The following SLC17A5 variants were observed in gnomAD, a reference collection of about 807,000 sequenced individuals.
SLC17A5 encodes the protein solute carrier family 17 member 5.
SLC17A5 carries 47 observed loss-of-function variants against 59.4 expected under a neutral mutation model. That is an observed-to-expected ratio of 0.79 (90% CI 0.63 to 1.01). The LOEUF is 1.01. Among genes scored for constraint, SLC17A5 ranks in the 50% least tolerant of loss-of-function variants. SLC17A5 has a pLI of 0.00. For synonymous variants in SLC17A5, 202 were observed against 210.7 expected, an observed-to-expected ratio of 0.96 and a Z score of 0.36; for missense variants, 522 against 595.5, an observed-to-expected ratio of 0.88 and a Z score of 1.28.
At chr6:73,645,722 A>G (rs1769512588) in intron 1 of SLC17A5, among the ~76,000 whole-genome samples, 1 of 144,858 alleles carries the variant, frequency 6.9e-6, no homozygotes. Context: ...CGGGAGGCGG[A>G]GCTTGCAGCG....
At chr6:73,597,033 C>T (rs1484310112) in intron 10 of SLC17A5, among the ~76,000 whole-genome samples, 3 of 145,816 alleles carry the variant, frequency 2.1e-5, no homozygotes, top group Admixed American at 1.4e-4. Flanking sequence ...TGGTGGCAGG[C>T]TCCTGTAATC....
intron 9 of SLC17A5, among the ~76,000 whole-genome samples, chr6:73,602,704 G>C (rs948538140): frequency 1.3e-5 from 2 of 151,456 alleles, no homozygotes; most frequent in African/African-American, 2.4e-5. Flanking sequence ...GAACCTGGGA[G>C]GCGGAGCTTG....
At chr6:73,601,965 G>C (rs1335438373) in intron 9 of SLC17A5, among the ~76,000 whole-genome samples, 1 of 152,068 alleles carries the variant, frequency 6.6e-6, no homozygotes, top group Non-Finnish European at 1.5e-5. Context: ...AGAACGGGCT[G>C]GGATGACAAT....
At chr6:73,614,082 G>A (rs985244255) in intron 8 of SLC17A5, among the ~76,000 whole-genome samples, 4 of 152,170 alleles carry the variant, frequency 2.6e-5, no homozygotes, top group East Asian at 1.9e-4. Context: ...CCTGGACAAC[G>A]TGGTGAAACC....
At chr6:73,628,154 A>C (rs1768526412) in intron 6 of SLC17A5, among the ~76,000 whole-genome samples, 3 of 152,102 alleles carry the variant, frequency 2.0e-5, no homozygotes, top group African/African-American at 7.2e-5. Context: ...CCTGGGTTCA[A>C]GTGATCCTTC....
At chr6:73,602,639 A>G (rs1017175222) in intron 9 of SLC17A5, among the ~76,000 whole-genome samples, 5 of 151,962 alleles carry the variant, frequency 3.3e-5, no homozygotes, top group Admixed American at 2.6e-4. Flanking sequence ...GCCGGCCGTG[A>G]TGGCAGGCGC....
rs957217105 is a variant in SLC17A5 at position 73,653,743 on chromosome 6, C to G, written c.94+50G>C. 2.0e-6 allele frequency: 3 copies of G among 1,492,978 alleles called. No individual in the cohort carries two copies. In the African/African-American group the frequency reaches 4.2e-5, roughly 21 times the overall value. The allele number at this position is 1,492,978 out of a possible 1,614,324, so 92.5% of individuals were successfully genotyped here. A position where few individuals can be genotyped will look rare whatever the true frequency, so the allele number is the denominator to read the frequency against. ...GGCCATGCCGGCCCAGAGACCGCCG[C>G]CCCCGGTACCGCTGCCCACTCGAAG... is the stretch of plus-strand genomic sequence containing the variant. On this transcript the variant is annotated intron_variant, in intron 1 of 10. Transcript: ENST00000355773.
intron 1 of SLC17A5, among the ~76,000 whole-genome samples, chr6:73,649,809 T>C (rs191603969): frequency 2.6e-5 from 4 of 152,210 alleles, no homozygotes; most frequent in Non-Finnish European, 5.9e-5. Flanking sequence ...TTGAGGTTAG[T>C]TCTCATTTGT....
chr6:73,636,563 T>C, intron 5 of SLC17A5, 58 bp downstream of exon 5: 1 of 935,960 alleles, frequency 1.1e-6, no homozygotes. Context: ...ATTATTAGGC[T>C]ACTATTATTA....
chr6:73,638,387 C>A (rs757890202), intron 4 of SLC17A5, 25 bp downstream of exon 4: 1 of 1,566,288 alleles, frequency 6.4e-7, no homozygotes, highest in Non-Finnish European at 8.8e-7. Flanking sequence ...CATATTACAG[C>A]AAAATTTGGT....
chr6:73,609,204 T>C (rs1166364942), intron 9 of SLC17A5, among the ~76,000 whole-genome samples: 1 of 152,204 alleles, frequency 6.6e-6, no homozygotes, highest in Non-Finnish European at 1.5e-5. Flanking sequence ...GTTAAAATAT[T>C]TACATAGCTC....
intron 9 of SLC17A5, among the ~76,000 whole-genome samples, chr6:73,606,136 G>A (rs1220426735): frequency 6.6e-6 from 1 of 151,992 alleles, no homozygotes; most frequent in South Asian, 2.1e-4. Context: ...TCCAACTCCT[G>A]GGTTCAAGCA....
intron 10 of SLC17A5, among the ~76,000 whole-genome samples, chr6:73,599,784 T>C (rs1425200944): frequency 6.7e-6 from 1 of 149,660 alleles, no homozygotes; most frequent in Non-Finnish European, 1.5e-5. Context: ...TAAGAAAGTC[T>C]GTAAGTATGT....
intron 1 of SLC17A5, chr6:73,653,067 T>C (rs1769942520): frequency 1.0e-6 from 1 of 985,344 alleles, no homozygotes; most frequent in African/African-American, 1.7e-5. Context: ...TAGAACTCCA[T>C]AGGTATCTTG....
chr6:73,606,853 C>T (rs1011963587), intron 9 of SLC17A5, among the ~76,000 whole-genome samples: 6 of 152,202 alleles, frequency 3.9e-5, no homozygotes, highest in African/African-American at 1.2e-4. Context: ...CATCTTTCTC[C>T]ACCTTGTCCA....
chr6:73,634,026 C>T (rs1260935641), intron 6 of SLC17A5, among the ~76,000 whole-genome samples: 1 of 151,966 alleles, frequency 6.6e-6, no homozygotes, highest in Non-Finnish European at 1.5e-5. Flanking sequence ...TTAATCTTTC[C>T]TAATGTTTTT....
chr6:73,634,113 T>C (rs1768892073), intron 6 of SLC17A5, among the ~76,000 whole-genome samples: 1 of 152,154 alleles, frequency 6.6e-6, no homozygotes, highest in African/African-American at 2.4e-5. Flanking sequence ...TGAATTATTA[T>C]AGATTTTTAT....
At chr6:73,635,825 C>T (rs1429642943) in intron 5 of SLC17A5, among the ~76,000 whole-genome samples, 1 of 151,768 alleles carries the variant, frequency 6.6e-6, no homozygotes, top group Non-Finnish European at 1.5e-5. Flanking sequence ...ACTGCAACCT[C>T]CGCCTGCTGG....
At position 73,635,376 on chromosome 6, in the gene SLC17A5, C is replaced by A; in HGVS notation, c.819+6G>T. The A allele has an allele frequency of 2.1e-6, 3 of 1,421,110 alleles. No individual in the cohort carries two copies. The highest frequency in any genetic ancestry group is 2.3e-5 in the South Asian group (2 of 86,058). 88.0% of individuals were successfully genotyped at this position (1,421,110 alleles called of 1,614,324 possible). On this transcript the variant is annotated splice_donor_region_variant and intron_variant, in intron 6 of 10. Transcript: ENST00000355773. The stretch of plus-strand genomic sequence containing the variant: ...CATTATTTTTAAAATGTGTCAAAGT[C>A]CATACCTGATTTCTTAATGATGAAA...
Sources: allele counts gnomAD v4.1 joint callset (sites outside exome capture counted in the v4.1 genomes callset), GRCh38; gene constraint gnomAD v4.1.1; transcripts MANE v1.5; gene names NCBI Gene and HGNC (gene_info 2026-07-23, HGNC 2026-07-21).